The following EXOC6B variants were observed in gnomAD, a reference collection of about 807,000 sequenced individuals.
The protein encoded by EXOC6B is SEC15 homolog B.
In EXOC6B, 54 loss-of-function variants were observed where a neutral mutation model predicts 113.5. The observed-to-expected ratio is 0.48, with a 90% CI of 0.38 to 0.60. EXOC6B has a LOEUF of 0.60. Among genes scored for constraint, EXOC6B ranks in the 20% least tolerant of loss-of-function variants. The probability of loss-of-function intolerance (pLI) is 0.00; values close to 1 mark genes in which losing one functional copy is unlikely to be tolerated. For missense variants in EXOC6B, 797 were observed against 977.5 expected (o/e 0.82, Z 2.46); for synonymous variants, 357 against 339.0 (o/e 1.05, Z -0.58).
chr2:72,700,400 T>C (rs1678232375), intron 6 of EXOC6B, among the ~76,000 whole-genome samples: 1 of 152,196 alleles, frequency 6.6e-6, no homozygotes, highest in Non-Finnish European at 1.5e-5. Context: ...TTAGAGACAA[T>C]CTTCTTACTA....
chr2:72,362,483 T>C (rs1246080418), intron 19 of EXOC6B, among the ~76,000 whole-genome samples: 1 of 152,098 alleles, frequency 6.6e-6, no homozygotes, highest in Non-Finnish European at 1.5e-5. Flanking sequence ...TTATAATAAA[T>C]AACATTTCCA....
intron 1 of EXOC6B, among the ~76,000 whole-genome samples, chr2:72,773,083 T>C (rs1573773243): frequency 6.6e-6 from 1 of 151,000 alleles, no homozygotes. Flanking sequence ...TTATATTGTA[T>C]AATTTAAATT....
At chr2:72,785,250 G>A (rs1401992156) in intron 1 of EXOC6B, among the ~76,000 whole-genome samples, 1 of 152,230 alleles carries the variant, frequency 6.6e-6, no homozygotes, top group African/African-American at 2.4e-5. Flanking sequence ...CTAGCATTGA[G>A]TGTCTGCAGC....
intron 20 of EXOC6B, among the ~76,000 whole-genome samples, chr2:72,246,659 C>G (rs1280982572): frequency 6.6e-6 from 1 of 151,932 alleles, no homozygotes; most frequent in Admixed American, 6.6e-5. Context: ...AGGCGCCCAC[C>G]ACCATGCAGG....
At chr2:72,282,436 A>C (rs2104675347) in intron 20 of EXOC6B, among the ~76,000 whole-genome samples, 1 of 152,220 alleles carries the variant, frequency 6.6e-6, no homozygotes, top group South Asian at 2.1e-4. Context: ...TAACAGGCTA[A>C]TAGAAAATAA....
intron 1 of EXOC6B, among the ~76,000 whole-genome samples, chr2:72,787,867 TCTAAGAGATGACA>T (rs1374580448): frequency 4.9e-4 from 75 of 152,116 alleles, no homozygotes; most frequent in African/African-American, 1.7e-3. Context: ...TGGTCTAACT[TCTAAGAGATGACA>T]CTACAAATTC....
chr2:72,350,436 A>T (rs1689588873), intron 19 of EXOC6B, among the ~76,000 whole-genome samples: 1 of 152,214 alleles, frequency 6.6e-6, no homozygotes, highest in Non-Finnish European at 1.5e-5. Flanking sequence ...TAACATAGAT[A>T]ACAGTCTGTC....
chr2:72,287,224 T>G (rs1685488165), intron 20 of EXOC6B, among the ~76,000 whole-genome samples: 1 of 151,714 alleles, frequency 6.6e-6, no homozygotes, highest in African/African-American at 2.4e-5. Flanking sequence ...GGTCAGGAGA[T>G]CGAGACCATC....
At chr2:72,250,531 A>C (rs1682946188) in intron 20 of EXOC6B, among the ~76,000 whole-genome samples, 1 of 151,284 alleles carries the variant, frequency 6.6e-6, no homozygotes, top group South Asian at 2.1e-4. Flanking sequence ...TTTTGTAGAG[A>C]CAGGGTTTTG....
intron 17 of EXOC6B, 99 bp from the exon 18 acceptor site, chr2:72,465,438 G>T (rs1274600649): frequency 2.3e-6 from 2 of 871,170 alleles, no homozygotes; most frequent in East Asian, 5.3e-5. Flanking sequence ...TAAGTAACTG[G>T]GAATATAACT....
chr2:72,514,527 T>C (rs1453853187), intron 10 of EXOC6B, 107 bp downstream of exon 10: 1 of 198,796 alleles, frequency 5.0e-6, no homozygotes, highest in African/African-American at 2.4e-5. Context: ...GAAAACCTGA[T>C]TTATTTTTCC....
At chr2:72,649,764 C>A (rs1402968834) in intron 6 of EXOC6B, among the ~76,000 whole-genome samples, 1 of 152,068 alleles carries the variant, frequency 6.6e-6, no homozygotes, top group Non-Finnish European at 1.5e-5. Flanking sequence ...AACAGCCCCA[C>A]AGTACAGCCA....
chr2:72,395,614 T>G (rs759107375), intron 18 of EXOC6B, among the ~76,000 whole-genome samples: 3 of 152,114 alleles, frequency 2.0e-5, no homozygotes, highest in Non-Finnish European at 4.4e-5. Flanking sequence ...AACACATCCA[T>G]ATTATGGGAA....
intron 20 of EXOC6B, among the ~76,000 whole-genome samples, chr2:72,332,859 TA>T (rs1688486322): frequency 6.6e-6 from 1 of 152,126 alleles, no homozygotes; most frequent in African/African-American, 2.4e-5. Flanking sequence ...TCACTTTAAA[TA>T]AGTTCTGAGA....
At chr2:72,608,018 T>A (rs1361986931) in intron 6 of EXOC6B, among the ~76,000 whole-genome samples, 1 of 152,070 alleles carries the variant, frequency 6.6e-6, no homozygotes, top group South Asian at 2.1e-4. Flanking sequence ...TCAGCAAATA[T>A]GAAAGAAGGC....
At chr2:72,287,955 A>G (rs1558524123) in intron 20 of EXOC6B, among the ~76,000 whole-genome samples, 5 of 152,294 alleles carry the variant, frequency 3.3e-5, no homozygotes, top group Admixed American at 2.0e-4. Flanking sequence ...TTAGACTTGT[A>G]TAACTTTGAT....
intron 1 of EXOC6B, among the ~76,000 whole-genome samples, chr2:72,808,280 T>C (rs2105113658): frequency 6.6e-6 from 1 of 152,356 alleles, no homozygotes; most frequent in African/African-American, 2.4e-5. Context: ...TCTGATATGA[T>C]ACTAATGTTT....
intron 18 of EXOC6B, among the ~76,000 whole-genome samples, chr2:72,398,684 G>A (rs1464065898): frequency 7.6e-5 from 11 of 144,262 alleles, no homozygotes; most frequent in South Asian, 2.2e-4. Context: ...GTGACAGAGC[G>A]AGACTCTATC....
At chr2:72,572,719 A>G (rs993314428) in intron 7 of EXOC6B, among the ~76,000 whole-genome samples, 10 of 152,220 alleles carry the variant, frequency 6.6e-5, no homozygotes, top group Non-Finnish European at 1.5e-4. Context: ...TATCTGAAGA[A>G]TTTATTCACA....
Sources: gnomAD v4.1 joint callset for allele counts (sites outside exome capture counted in the v4.1 genomes callset) on GRCh38, gnomAD v4.1.1 for gene constraint, MANE v1.5 for transcripts, NCBI Gene and HGNC (gene_info 2026-07-23, HGNC 2026-07-21) for gene names.